Variants in KIAA1217 observed in about 807,000 individuals in gnomAD.
KIAA1217 encodes sickle tail protein homolog.
A neutral mutation model predicts 163.9 loss-of-function variants in KIAA1217; 88 were observed. The ratio of observed to expected loss-of-function variants is 0.54; its 90% CI spans 0.45 to 0.64. The LOEUF (loss-of-function observed/expected upper bound fraction) is 0.64, where lower values mean the gene tolerates loss of function less well. Ranked by LOEUF, KIAA1217 falls within the 30% of genes least tolerant of loss-of-function variation. The pLI is 0.00. For synonymous variants in KIAA1217, 903 were observed against 923.1 expected (o/e 0.98, Z 0.39); for missense variants, 2,372 against 2,475.0 (o/e 0.96, Z 0.88).
intron 1 of KIAA1217, among the ~76,000 whole-genome samples, chr10:23,776,371 C>G (rs1835008863): frequency 1.3e-5 from 2 of 150,698 alleles, no homozygotes; most frequent in South Asian, 4.2e-4. Context: ...TACAATTTTT[C>G]ATCTATGATG....
At chr10:24,255,451 C>A in intron 2 of KIAA1217, 1 of 450,832 alleles carries the variant, frequency 2.2e-6, no homozygotes, top group Admixed American at 2.4e-5. Context: ...GGACTGCTCC[C>A]AGAACATTAA....
At chr10:23,806,426 A>T (rs1294194270) in intron 1 of KIAA1217, among the ~76,000 whole-genome samples, 1 of 152,162 alleles carries the variant, frequency 6.6e-6, no homozygotes, top group Non-Finnish European at 1.5e-5. Flanking sequence ...GAGATTGAGG[A>T]AGTCATTTTT....
At chr10:23,768,737 ATTTAGCACAGC>A (rs1834660242) in intron 1 of KIAA1217, among the ~76,000 whole-genome samples, 4 of 152,178 alleles carry the variant, frequency 2.6e-5, no homozygotes, top group Non-Finnish European at 5.9e-5. Flanking sequence ...TCTCTTTACC[ATTTAGCACAGC>A]CCAGAGATGG....
intron 2 of KIAA1217, among the ~76,000 whole-genome samples, chr10:24,040,419 A>G (rs1312246151): frequency 1.3e-5 from 2 of 152,226 alleles, no homozygotes; most frequent in African/African-American, 4.8e-5. Flanking sequence ...AATATGATGA[A>G]GGAACTGAAG....
chr10:24,287,457 A>C (rs1246755628), intron 2 of KIAA1217, among the ~76,000 whole-genome samples: 2 of 152,218 alleles, frequency 1.3e-5, no homozygotes, highest in East Asian at 3.8e-4. Context: ...TCAAGTTTTT[A>C]ATTACAGGAA....
At chr10:24,070,338 C>A (rs2061137743) in intron 2 of KIAA1217, among the ~76,000 whole-genome samples, 1 of 151,192 alleles carries the variant, frequency 6.6e-6, no homozygotes, top group Non-Finnish European at 1.5e-5. Context: ...CATCAATTCC[C>A]AAACAAAATA....
intron 1 of KIAA1217, among the ~76,000 whole-genome samples, chr10:23,990,824 G>A (rs978933247): frequency 2.0e-5 from 3 of 152,262 alleles, no homozygotes; most frequent in Middle Eastern, 3.4e-3. Flanking sequence ...TGTCTTAGGG[G>A]TTGGCAGCCA....
chr10:24,288,374 G>A (rs752858832), intron 2 of KIAA1217, among the ~76,000 whole-genome samples: 5 of 152,150 alleles, frequency 3.3e-5, no homozygotes, highest in Non-Finnish European at 7.4e-5. Context: ...CTACTATTTA[G>A]CGCAGTCCAT....
At chr10:23,897,130 A>G (rs561870648) in intron 1 of KIAA1217, among the ~76,000 whole-genome samples, 1 of 152,082 alleles carries the variant, frequency 6.6e-6, no homozygotes, top group Non-Finnish European at 1.5e-5. Context: ...TATTTTAAGC[A>G]CTTCATTGGT....
chr10:23,968,811 C>A (rs185361201), intron 1 of KIAA1217, among the ~76,000 whole-genome samples: 44 of 152,208 alleles, frequency 2.9e-4, no homozygotes, highest in Middle Eastern at 3.4e-3. Context: ...ATACTTAATT[C>A]CTTTTTATTG....
At chr10:23,856,737 G>A (rs933727239) in intron 1 of KIAA1217, among the ~76,000 whole-genome samples, 4 of 152,244 alleles carry the variant, frequency 2.6e-5, no homozygotes, top group East Asian at 1.9e-4. Flanking sequence ...CCCCAGCCTC[G>A]CTGCTGCCTT....
intron 2 of KIAA1217, among the ~76,000 whole-genome samples, chr10:24,320,952 C>G (rs1018716802): frequency 3.3e-5 from 5 of 151,664 alleles, no homozygotes; most frequent in Admixed American, 1.3e-4. Flanking sequence ...GAAGCTGAGG[C>G]AGGAGAATGG....
intron 1 of KIAA1217, among the ~76,000 whole-genome samples, chr10:23,792,724 G>A (rs944737350): frequency 1.3e-5 from 2 of 150,738 alleles, no homozygotes; most frequent in Admixed American, 6.6e-5. Flanking sequence ...GGATGGTCTC[G>A]ATCTCCTGAC....
intron 1 of KIAA1217, among the ~76,000 whole-genome samples, chr10:23,865,333 G>T (rs1338016362): frequency 6.6e-6 from 1 of 152,128 alleles, no homozygotes. Context: ...ACTGTGGGAA[G>T]TTGAGCATCT....
At chr10:24,228,445 T>A (rs1377949758) in intron 2 of KIAA1217, among the ~76,000 whole-genome samples, 1 of 152,058 alleles carries the variant, frequency 6.6e-6, no homozygotes, top group African/African-American at 2.4e-5. Flanking sequence ...AACCCTGTGA[T>A]TTATTAATAT....
intron 2 of KIAA1217, among the ~76,000 whole-genome samples, chr10:24,370,129 A>G (rs889411585): frequency 7.2e-5 from 11 of 151,956 alleles, no homozygotes; most frequent in Non-Finnish European, 1.5e-4. Flanking sequence ...GCCAGGCGTG[A>G]TGGCGGGCGC....
chr10:24,224,700 T>C (rs7907546), intron 2 of KIAA1217, among the ~76,000 whole-genome samples: 86,639 of 151,884 alleles, frequency 0.57, 24,784 homozygotes, highest in East Asian at 0.7. Flanking sequence ...CACTGAGAAA[T>C]ACAACGATGG....
intron 1 of KIAA1217, among the ~76,000 whole-genome samples, chr10:23,964,939 T>C (rs953952654): frequency 2.6e-5 from 4 of 152,172 alleles, no homozygotes; most frequent in African/African-American, 9.7e-5. Context: ...ACAGAAAGAA[T>C]ACGAACTTTA....
intron 1 of KIAA1217, among the ~76,000 whole-genome samples, chr10:23,897,671 G>C (rs1762271711): frequency 6.6e-6 from 1 of 151,968 alleles, no homozygotes; most frequent in Admixed American, 6.6e-5. Context: ...CTGGTGGCTA[G>C]GAGCCCTTAC....
Sources: allele counts gnomAD v4.1 joint callset (sites outside exome capture counted in the v4.1 genomes callset), GRCh38; gene constraint gnomAD v4.1.1; transcripts MANE v1.5; gene names NCBI Gene and HGNC (gene_info 2026-07-23, HGNC 2026-07-21).